Variants in MYO1E observed in about 807,000 individuals in gnomAD.
MYO1E encodes myosin IE.
A neutral mutation model predicts 151.1 loss-of-function variants in MYO1E; 68 were observed. The ratio of observed to expected loss-of-function variants is 0.45; its 90% CI spans 0.37 to 0.55. The LOEUF (loss-of-function observed/expected upper bound fraction) is 0.55. MYO1E is among the 20% of genes least tolerant of loss of function. MYO1E has a pLI of 0.00. For missense variants in MYO1E, 1,363 were observed against 1,389.3 expected (o/e 0.98, Z 0.30); for synonymous variants, 601 against 501.7 (o/e 1.20, Z -2.64).
At chr15:59,216,952 C>G (rs2079922560) in intron 10 of MYO1E, among the ~76,000 whole-genome samples, 3 of 151,830 alleles carry the variant, frequency 2.0e-5, no homozygotes. Flanking sequence ...ATCACTCGCT[C>G]TGGGGAAAAC....
At chr15:59,294,057 A>T (rs1178701807) in intron 1 of MYO1E, among the ~76,000 whole-genome samples, 1 of 152,188 alleles carries the variant, frequency 6.6e-6, no homozygotes, top group Non-Finnish European at 1.5e-5. Context: ...AAACAAAATA[A>T]CAACAGAAAC....
chr15:59,272,101 A>T (rs1292046318), intron 2 of MYO1E: 1 of 569,388 alleles, frequency 1.8e-6, no homozygotes, highest in African/African-American at 1.9e-5. Context: ...GCCAGGAATA[A>T]AGCCACAAGT....
chr15:59,292,484 T>C (rs1567005416), intron 1 of MYO1E, among the ~76,000 whole-genome samples: 3 of 152,252 alleles, frequency 2.0e-5, no homozygotes, highest in South Asian at 2.1e-4. Flanking sequence ...GCCGCAAGGA[T>C]GGACAACAAT....
At chr15:59,265,407 T>C (rs2080247398) in intron 2 of MYO1E, among the ~76,000 whole-genome samples, 1 of 152,176 alleles carries the variant, frequency 6.6e-6, no homozygotes, top group African/African-American at 2.4e-5. Context: ...AAACTGTTAA[T>C]TTGCTATATA....
intron 17 of MYO1E, among the ~76,000 whole-genome samples, chr15:59,189,118 G>C (rs2079717287): frequency 2.0e-5 from 3 of 152,118 alleles, no homozygotes; most frequent in African/African-American, 7.2e-5. Flanking sequence ...CTACATTGTA[G>C]TGATGTGATA....
chr15:59,196,670 T>A (rs80350714), intron 16 of MYO1E, among the ~76,000 whole-genome samples: 5 of 152,184 alleles, frequency 3.3e-5, no homozygotes, highest in Non-Finnish European at 5.9e-5. Flanking sequence ...AAGATATTCA[T>A]TGGTGAATTA....
chr15:59,277,466 A>G (rs2080325800), intron 1 of MYO1E, among the ~76,000 whole-genome samples: 1 of 149,264 alleles, frequency 6.7e-6, no homozygotes, highest in Non-Finnish European at 1.5e-5. Flanking sequence ...AATTGCTTGA[A>G]CCCAGGAGGC....
At chr15:59,160,474 A>G (rs1466673064) in intron 24 of MYO1E, among the ~76,000 whole-genome samples, 1 of 151,166 alleles carries the variant, frequency 6.6e-6, no homozygotes, top group African/African-American at 2.4e-5. Flanking sequence ...CCCAGTAAAG[A>G]TCATGATTTA....
chr15:59,351,419 C>T (rs1326521663), intron 1 of MYO1E, among the ~76,000 whole-genome samples: 1 of 152,144 alleles, frequency 6.6e-6, no homozygotes, highest in Non-Finnish European at 1.5e-5. Flanking sequence ...GCTGCCCTCA[C>T]GGAATTTATT....
chr15:59,185,114 G>C (rs539251413), intron 18 of MYO1E, among the ~76,000 whole-genome samples: 1 of 152,134 alleles, frequency 6.6e-6, no homozygotes, highest in South Asian at 2.1e-4. Flanking sequence ...GAGATCTTTT[G>C]CTCATTTTTT....
At chr15:59,271,036 T>C (rs2080286147) in intron 2 of MYO1E, 1 of 152,204 alleles carries the variant, frequency 6.6e-6, no homozygotes, top group South Asian at 2.1e-4. Context: ...CAGATATTGG[T>C]AAAATTCCCT....
At chr15:59,367,623 G>A (rs530489593) in intron 1 of MYO1E, among the ~76,000 whole-genome samples, 2 of 152,354 alleles carry the variant, frequency 1.3e-5, no homozygotes, top group African/African-American at 4.8e-5. Flanking sequence ...GGGAGACCCA[G>A]TAGGAAGGTG....
intron 1 of MYO1E, among the ~76,000 whole-genome samples, chr15:59,339,018 G>C (rs1386118535): frequency 2.6e-5 from 4 of 152,200 alleles, no homozygotes. Flanking sequence ...TGTAATCCCT[G>C]CTACTGGGGA....
intron 1 of MYO1E, among the ~76,000 whole-genome samples, chr15:59,311,260 G>A (rs183148166): frequency 6.6e-6 from 1 of 152,158 alleles, no homozygotes; most frequent in Admixed American, 6.5e-5. Context: ...AACGGTTTCA[G>A]GTTGAAACCG....
At chr15:59,213,148 ATTATTATTAT>A (rs1161067135) in intron 12 of MYO1E, among the ~76,000 whole-genome samples, 1 of 127,618 alleles carries the variant, frequency 7.8e-6, no homozygotes, top group Non-Finnish European at 1.7e-5. Flanking sequence ...TATTATTATT[ATTATTATTAT>A]TATTATTATT....
chr15:59,265,957 T>C (rs2080251068), intron 2 of MYO1E, among the ~76,000 whole-genome samples: 1 of 151,210 alleles, frequency 6.6e-6, no homozygotes, highest in South Asian at 2.1e-4. Context: ...ACAGAGCAAA[T>C]AAAATAAAAT....
intron 9 of MYO1E, among the ~76,000 whole-genome samples, chr15:59,220,899 T>C (rs1338093525): frequency 4.0e-5 from 5 of 125,462 alleles, no homozygotes; most frequent in Non-Finnish European, 7.9e-5. Context: ...AGACCAGCCC[T>C]GGCAACTAAG....
chr15:59,303,111 A>G (rs1467428417), intron 1 of MYO1E, among the ~76,000 whole-genome samples: 10 of 152,228 alleles, frequency 6.6e-5, no homozygotes, highest in Non-Finnish European at 1.5e-4. Context: ...GGTGAGTTCC[A>G]TGCTGCAAAT....
intron 1 of MYO1E, among the ~76,000 whole-genome samples, chr15:59,356,539 A>T (rs184001613): frequency 6.6e-6 from 1 of 152,322 alleles, no homozygotes; most frequent in East Asian, 1.9e-4. Context: ...AGTTTTAAAG[A>T]TTGTATACTG....
Sources: allele counts gnomAD v4.1 joint callset (sites outside exome capture counted in the v4.1 genomes callset), GRCh38; gene constraint gnomAD v4.1.1; transcripts MANE v1.5; gene names NCBI Gene and HGNC (gene_info 2026-07-23, HGNC 2026-07-21).